Variants in PIK3C2B observed in about 807,000 individuals in gnomAD.
PIK3C2B encodes phosphatidylinositol-4-phosphate 3-kinase catalytic subunit type 2 beta, also known as phosphatidylinositol 4-phosphate 3-kinase C2 domain-containing subunit beta.
A neutral mutation model predicts 184.3 loss-of-function variants in PIK3C2B; 83 were observed. The ratio of observed to expected loss-of-function variants is 0.45; its 90% CI spans 0.38 to 0.54. The LOEUF (loss-of-function observed/expected upper bound fraction) is 0.54, where lower values mean the gene tolerates loss of function less well. Among genes scored for constraint, PIK3C2B ranks in the 20% least tolerant of loss-of-function variants. PIK3C2B has a pLI of 0.00. For synonymous variants in PIK3C2B, 779 were observed against 837.6 expected (o/e 0.93, Z 1.21); for missense variants, 1,736 against 2,113.5 (o/e 0.82, Z 3.50).
chr1:204,466,851 T>C (rs566272692), intron 2 of PIK3C2B: 1 of 532,352 alleles, frequency 1.9e-6, no homozygotes, highest in South Asian at 1.4e-5. Flanking sequence ...GCAGCAGGGG[T>C]ATCAGGCTGG....
intron 1 of PIK3C2B, among the ~76,000 whole-genome samples, chr1:204,479,281 C>G (rs188241203): frequency 1.1e-3 from 159 of 149,018 alleles, no homozygotes; most frequent in African/African-American, 3.7e-3. Flanking sequence ...CACCCAAGAA[C>G]CAATCCTTCT....
At position 204,443,364 on chromosome 1, in the gene PIK3C2B, G is replaced by A. The variant is rs536828685; in HGVS notation, c.3048+53C>T. On this transcript the variant is annotated intron_variant, in intron 19 of 32. Coordinates refer to ENST00000684373, the MANE Select transcript of PIK3C2B (RefSeq NM_001377334.1). The stretch of plus-strand genomic sequence containing the variant: ...TGTTCAGGATTCCTAAGAAGAAACT[G>A]GCTGCCAAAGCCCTGGATGAGAAAT... 4.4e-5 allele frequency: 68 copies of A among 1,531,056 alleles called. No individual in the cohort carries two copies. In the South Asian group the frequency reaches 7.2e-4, roughly 16 times the overall value. The allele number at this position is 1,531,056 out of a possible 1,614,324, so 94.8% of individuals were successfully genotyped here. A position where few individuals can be genotyped will look rare whatever the true frequency, so the allele number is the denominator to read the frequency against.
chr1:204,487,013 A>T (rs1007169257), intron 1 of PIK3C2B, among the ~76,000 whole-genome samples: 3 of 152,116 alleles, frequency 2.0e-5, no homozygotes, highest in Non-Finnish European at 4.4e-5. Context: ...TCATTATGTT[A>T]GCCAGGCTGG....
At chr1:204,452,546 TG>T (rs1654463728) in intron 12 of PIK3C2B, among the ~76,000 whole-genome samples, 1 of 151,316 alleles carries the variant, frequency 6.6e-6, no homozygotes, top group South Asian at 2.1e-4. Flanking sequence ...CCCAAGGGAA[TG>T]GTGGAACTCA....
At position 204,429,989 on chromosome 1, in the gene PIK3C2B, C is replaced by T. The variant is rs777902529; in HGVS notation, c.4330G>A (p.Glu1444Lys). The T allele has an allele frequency of 1.6e-5, 25 of 1,611,792 alleles. No homozygotes were observed. The highest frequency in any genetic ancestry group is 3.3e-5 in the South Asian group (3 of 91,080). Residue 1444 changes from glutamate to lysine, a missense_variant, in exon 29 of 33, where the codon GAG becomes AAG. By Grantham distance (56) the Glu-to-Lys change is moderately conservative. Around this residue, in one of 8 missense-constraint regions of PIK3C2B, gnomAD observed 200 missense variants for 199.1 expected, o/e 1.00. Coordinates refer to ENST00000684373, the MANE Select transcript of PIK3C2B (RefSeq NM_001377334.1). Reference sequence around the variant, plus strand: ...CCGTTTAGCTCCTCCCTCCGCCGCTCGGCCACCGCCTCTCCCCGGGAGCGG... The same window carrying T: ...CCGTTTAGCTCCTCCCTCCGCCGCTTGGCCACCGCCTCTCCCCGGGAGCGG... ...IGRSRGEAVAERRREELNGYI... is the reference protein window; with the variant it reads ...IGRSRGEAVAKRRREELNGYI...
chr1:204,447,530 CA>C lies in PIK3C2B; in HGVS notation c.2394del (p.Gly799GlufsTer52), dbSNP rs1653982500. 1.2e-6 allele frequency: 2 copies of C among 1,610,318 alleles called. No homozygotes were observed. The highest frequency in any genetic ancestry group is 1.7e-5 in the Admixed American group (1 of 59,804). On this transcript the variant is annotated frameshift_variant, in exon 15 of 33. Coordinates refer to ENST00000684373, the MANE Select transcript of PIK3C2B (RefSeq NM_001377334.1). LOFTEE classifies it high-confidence loss of function. This position sits in a 1 kb window ranked among gnomAD's most constrained non-coding sequence, Gnocchi z 4.1. ...TCATAGCGGGGGCTGAACTTGTCTCCAGGGGGGCTGGTGAACTTGATGTCAA... is the reference window on the plus strand; with the variant it reads ...TCATAGCGGGGGCTGAACTTGTCTCCGGGGGGCTGGTGAACTTGATGTCAA... ...SAFDIKFTSP[P>X]GDKFSPRYEF...
chr1:204,457,265 T>C (rs1025535595), intron 9 of PIK3C2B, among the ~76,000 whole-genome samples, 195 bp from the exon 10 acceptor site: 1 of 152,046 alleles, frequency 6.6e-6, no homozygotes, highest in Non-Finnish European at 1.5e-5. Context: ...TGACGGAGGA[T>C]AGCAATCATC....
At position 204,455,900 on chromosome 1, in the gene PIK3C2B, G is replaced by A. The variant is rs3765156; in HGVS notation, c.1899C>T (p.Phe633=). ...GGATGCGGTGGGTGGCATAGACAGT[G>A]AAGGCCAGGGACCTGGCGAAATGGC... The part of the protein sequence containing the change: ...EACHFARSLA[F]TVYATHRIPI... The change falls in exon 11 of 33, where the codon TTC becomes TTT. Residue 633 remains phenylalanine (F), a synonymous_variant. Transcript: ENST00000684373. The A allele has an allele frequency of 0.18, 289,914 of 1,613,696 alleles. 29,066 individuals are homozygous for A. The highest frequency in any genetic ancestry group is 0.41 in the East Asian group (18,307 of 44,854).
In PIK3C2B at chr1:204,454,806, GAGC is replaced by G. The variant is rs906239601; in HGVS notation, c.1944-18_1944-16del. The stretch of plus-strand genomic sequence containing the variant: ...AATCTTCATAGCTATAAAAGAAAGG[GAGC>G]AGGTCAGGACACCCAGCTCCCAAAA... On this transcript the variant is annotated splice_polypyrimidine_tract_variant and intron_variant, in intron 11 of 32. Coordinates refer to ENST00000684373, the MANE Select transcript of PIK3C2B (RefSeq NM_001377334.1). 6.2e-7 allele frequency: 1 copy of G among 1,607,070 alleles called. No individual in the cohort carries two copies. Among genetic ancestry groups the G allele is most frequent in the African/African-American group, 1.3e-5 (1 of 74,876 alleles).
At chr1:204,465,750 C>T (rs1655713455) in intron 2 of PIK3C2B, among the ~76,000 whole-genome samples, 1 of 152,216 alleles carries the variant, frequency 6.6e-6, no homozygotes, top group South Asian at 2.1e-4. Flanking sequence ...CCAAATGGTG[C>T]CCAGGGAAGC....
chr1:204,454,431 G>A (rs151283122), intron 12 of PIK3C2B: 4,059 of 351,836 alleles, frequency 0.012, 46 homozygotes, highest in South Asian at 0.016. Flanking sequence ...GCAGTGAGCC[G>A]AGATCGCACC....
At chr1:204,426,677 T>C (rs1424544344) in intron 31 of PIK3C2B, among the ~76,000 whole-genome samples, 1 of 152,230 alleles carries the variant, frequency 6.6e-6, no homozygotes, top group Non-Finnish European at 1.5e-5. Flanking sequence ...GATTTTGTTT[T>C]GTTTTCCCCC....
Position 204,447,445 on chromosome 1 carries a change from G to C in PIK3C2B, c.2480C>G (p.Ser827Cys). ...RKLKDIMQKE[S>C]LYWLTDADKK... ...GGGGCCCGGGTCTCACCAGTACAAG[G>C]ACTCTTTCTGCATGATGTCTTTAAG... Residue 827 changes from serine to cysteine, a missense_variant, in exon 15 of 33, where the codon TCC becomes TGC. Physicochemically the swap from Ser to Cys is moderately radical, Grantham distance 112. Coordinates refer to ENST00000684373, the MANE Select transcript of PIK3C2B (RefSeq NM_001377334.1). The surrounding 1 kb of genome is among the most constrained non-coding windows in gnomAD (Gnocchi z 4.1). The C allele has an allele frequency of 6.2e-7, 1 of 1,613,786 alleles. No homozygotes were observed. The highest frequency in any genetic ancestry group is 8.5e-7 in the Non-Finnish European group (1 of 1,179,876).
In PIK3C2B at chr1:204,425,037, C is replaced by T; in HGVS notation, c.4720G>A (p.Val1574Ile). 1.2e-6 allele frequency: 2 copies of T among 1,612,780 alleles called. No homozygotes were observed. Among genetic ancestry groups the T allele is most frequent in the Non-Finnish European group, 8.5e-7 (1 of 1,179,126 alleles). ...TCACCCTTGGGGATCCCATCATATA[C>T]CAACTGCAAACATAGAGATGGGTGA... ...TCNPTYNEML[V>I]YDGIPKGDLQ... The change falls in exon 33 of 33, where the codon GTA becomes ATA. Residue 1574 changes from valine to isoleucine, a missense_variant. Physicochemically the swap from Val to Ile is conservative, Grantham distance 29. Transcript: ENST00000684373.
intron 11 of PIK3C2B, among the ~76,000 whole-genome samples, chr1:204,455,535 T>C (rs2103497455): frequency 6.6e-6 from 1 of 151,700 alleles, no homozygotes; most frequent in Non-Finnish European, 1.5e-5. Context: ...GCACTCTATC[T>C]GGGAATCGGC....
intron 1 of PIK3C2B, among the ~76,000 whole-genome samples, chr1:204,481,170 T>C (rs1205135180): frequency 6.7e-6 from 1 of 148,672 alleles, no homozygotes; most frequent in Non-Finnish European, 1.5e-5. Flanking sequence ...ATACACACCC[T>C]ACTCTCCCCC....
chr1:204,466,025 G>C (rs554251061), intron 2 of PIK3C2B, among the ~76,000 whole-genome samples: 1 of 152,322 alleles, frequency 6.6e-6, no homozygotes, highest in Admixed American at 6.5e-5. Flanking sequence ...CAAAATACGT[G>C]TGTGGTGGTA....
At chr1:204,445,499 G>A (rs934008357) in intron 16 of PIK3C2B, among the ~76,000 whole-genome samples, 1 of 151,952 alleles carries the variant, frequency 6.6e-6, no homozygotes, top group Non-Finnish European at 1.5e-5. Flanking sequence ...GCTACTTGGA[G>A]GCTGGGGCAG....
chr1:204,440,225 T>G lies in PIK3C2B; in HGVS notation c.3346A>C (p.Ile1116Leu). The G allele has an allele frequency of 6.2e-7, 1 of 1,612,758 alleles. No individual in the cohort carries two copies. Among genetic ancestry groups the G allele is most frequent in the Non-Finnish European group, 8.5e-7 (1 of 1,179,234 alleles). The stretch of plus-strand genomic sequence containing the variant: ...CGGCCGGTGGAGAAGCAGCGGAAGA[T>G]GACCATGCGCATGTCCAGCCCCTCC... ...VQEGLDMRMV[I>L]FRCFSTGRGR... Residue 1116 changes from isoleucine (I) to leucine (L), a missense_variant, in exon 22 of 33, where the codon ATC becomes CTC. This residue lies in a region of PIK3C2B where 289 missense variants were observed against 380.4 expected (regional missense o/e 0.76). Coordinates refer to ENST00000684373, the MANE Select transcript of PIK3C2B (RefSeq NM_001377334.1).
Sources: allele counts gnomAD v4.1 joint callset (sites outside exome capture counted in the v4.1 genomes callset), GRCh38; gene constraint gnomAD v4.1.1; regional missense constraint gnomAD v4.1.1; non-coding constraint Gnocchi (gnomAD v3.1); transcripts MANE v1.5; gene names NCBI Gene and HGNC (gene_info 2026-07-23, HGNC 2026-07-21).